Variants in CASP10 observed in about 807,000 individuals in gnomAD.
CASP10 encodes caspase 10.
A neutral mutation model predicts 48.5 loss-of-function variants in CASP10; 41 were observed. That is an observed-to-expected ratio of 0.85 (90% CI 0.66 to 1.10). CASP10 has a LOEUF of 1.10. Ranked by LOEUF, CASP10 falls within the 50% of genes least tolerant of loss-of-function variation. The pLI is 0.00. For missense variants in CASP10, 614 were observed against 614.5 expected (o/e 1.00, Z 0.01); for synonymous variants, 232 against 238.4 (o/e 0.97, Z 0.25).
At chr2:201,205,128 G>A (rs559928664) in intron 6 of CASP10, among the ~76,000 whole-genome samples, 1 of 152,218 alleles carries the variant, frequency 6.6e-6, no homozygotes, top group South Asian at 2.1e-4. Context: ...TTTTCCAGAG[G>A]AATCAGGGAG....
rs759021918 is a variant in CASP10, at chr2:201,217,745, AG to A, written c.*5del. 2.3e-5 allele frequency: 37 copies of A among 1,613,854 alleles called. No homozygotes were observed. The East Asian group carries it at 7.4e-4, about 32-fold the overall frequency. The stretch of plus-strand genomic sequence containing the variant: ...CCTGGATGCACTTTCATTATAGCAG[AG>A]AGTTTTTGTTGGTTCTTAGACCTCA... On this transcript the variant is annotated 3_prime_UTR_variant, in exon 10 of 10. Coordinates refer to ENST00000286186, the MANE Select transcript of CASP10 (RefSeq NM_032977.4).
At chr2:201,227,806 G>A (rs903939023) in intron 9 of CASP10, among the ~76,000 whole-genome samples, 9 of 150,934 alleles carry the variant, frequency 6.0e-5, no homozygotes, top group African/African-American at 1.7e-4. Context: ...TGATCCGCCC[G>A]TCTCGGTCTC....
chr2:201,196,151 A>G, intron 5 of CASP10: 1 of 549,150 alleles, frequency 1.8e-6, no homozygotes, highest in Non-Finnish European at 3.3e-6. Flanking sequence ...GTTGGCTGAC[A>G]CTAGCTGACT....
At chr2:201,216,323 C>T (rs1378395928) in intron 9 of CASP10, among the ~76,000 whole-genome samples, 1 of 151,846 alleles carries the variant, frequency 6.6e-6, no homozygotes, top group Non-Finnish European at 1.5e-5. Context: ...GAACTACAAT[C>T]GCATTACCGC....
At chr2:201,186,707 G>A (rs1020920262) in intron 2 of CASP10, among the ~76,000 whole-genome samples, 1 of 152,052 alleles carries the variant, frequency 6.6e-6, no homozygotes, top group African/African-American at 2.4e-5. Context: ...TTTATTTTGA[G>A]ACAGAGTCTC....
intron 5 of CASP10, among the ~76,000 whole-genome samples, chr2:201,203,141 C>CTATT (rs755843799): frequency 4.7e-4 from 71 of 152,120 alleles, no homozygotes; most frequent in Non-Finnish European, 7.8e-4. Flanking sequence ...CAATCACTTC[C>CTATT]TATTGGTGGA....
rs765974809 is a variant in CASP10, at chr2:201,209,208, G to A, written c.1061G>A (p.Cys354Tyr). The change falls in exon 9 of 10, where the codon TGT becomes TAT. Residue 354 changes from cysteine (C) to tyrosine (Y), a missense_variant. Cys to Tyr is a radical substitution (Grantham distance 194). Transcript: ENST00000286186. ...GCCGACGGGGACTGCTTCGTGTTCT[G>A]TATTCTGACCCATGGGAGATTTGGA... is the stretch of plus-strand genomic sequence containing the variant. ...AHADGDCFVF[C>Y]ILTHGRFGAV... is the part of the protein sequence containing the mutation. 2 of 1,613,974 alleles carry A rather than the reference G, an allele frequency of 1.2e-6. No individual in the cohort carries two copies. The highest frequency in any genetic ancestry group is 8.5e-7 in the Non-Finnish European group (1 of 1,179,886).
At chr2:201,204,490 A>G (rs1028517548) in intron 6 of CASP10, among the ~76,000 whole-genome samples, 6 of 152,216 alleles carry the variant, frequency 3.9e-5, no homozygotes, top group African/African-American at 1.2e-4. Context: ...CACTTGTCAC[A>G]TACTAGGCAC....
intron 5 of CASP10, chr2:201,200,565 A>T (rs1944980736): frequency 1.9e-6 from 3 of 1,592,384 alleles, no homozygotes; most frequent in Non-Finnish European, 2.5e-6. Flanking sequence ...CAATCAGGAC[A>T]TGACACAGAG....
At chr2:201,200,567 GAC>G in intron 5 of CASP10, 1 of 1,590,012 alleles carries the variant, frequency 6.3e-7, no homozygotes, top group Non-Finnish European at 8.5e-7. Context: ...ATCAGGACAT[GAC>G]ACAGAGCCGG....
intron 5 of CASP10, among the ~76,000 whole-genome samples, chr2:201,198,443 T>G (rs1944883239): frequency 6.6e-6 from 1 of 151,860 alleles, no homozygotes; most frequent in Non-Finnish European, 1.5e-5. Flanking sequence ...CAGGCTGATC[T>G]CGAACTCCTG....
chr2:201,186,588 T>C (rs897997344), intron 2 of CASP10, among the ~76,000 whole-genome samples: 2 of 152,230 alleles, frequency 1.3e-5, no homozygotes, highest in East Asian at 1.9e-4. Context: ...TGTCTAGTTA[T>C]AGAAATTTCT....
chr2:201,197,926 C>A (rs913635040), intron 5 of CASP10, among the ~76,000 whole-genome samples: 1 of 152,022 alleles, frequency 6.6e-6, no homozygotes, highest in Non-Finnish European at 1.5e-5. Flanking sequence ...TTTTGAGGAA[C>A]CTTCATTCTA....
At chr2:201,208,672 C>T (rs1446323621) in intron 8 of CASP10, among the ~76,000 whole-genome samples, 2 of 152,134 alleles carry the variant, frequency 1.3e-5, no homozygotes, top group Non-Finnish European at 2.9e-5. Flanking sequence ...TAACTATTAG[C>T]ATTGTTTCAG....
rs533989344 is a variant in CASP10, at chr2:201,184,469, G to A, written c.-8+1161G>A. Among the ~76,000 whole-genome samples the A allele has an allele frequency of 3.9e-5, 6 of 151,946 alleles. No homozygotes were observed. In the East Asian group the frequency reaches 5.8e-4, roughly 15 times the overall value. ...CCTCTGAGTAGTTGGGACCACAGGC[G>A]TGCACCACCATGCCTGGCTAATTTT... On this transcript the variant is annotated intron_variant, in intron 1 of 9. Transcript: ENST00000286186.
intron 9 of CASP10, among the ~76,000 whole-genome samples, chr2:201,216,401 C>T (rs1945571326): frequency 6.6e-6 from 1 of 151,706 alleles, no homozygotes. Flanking sequence ...GAAGTGATCC[C>T]TGCCATGAAC....
chr2:201,221,381 C>A lies in CASP10; in HGVS notation c.*3640C>A. On this transcript the variant is annotated 3_prime_UTR_variant, in exon 10 of 10. Coordinates refer to ENST00000286186, the MANE Select transcript of CASP10 (RefSeq NM_032977.4). ...TATATATCCAGATGGCCTGAAGTAA[C>A]TGAAGAATCACAAAAGAAGTGAAAA... is the stretch of plus-strand genomic sequence containing the variant. 1.6e-6 allele frequency: 1 copy of A among 644,638 alleles called. No individual in the cohort carries two copies. The highest frequency in any genetic ancestry group is 1.9e-6 in the Non-Finnish European group (1 of 518,806). The allele number at this position is 644,638 out of a possible 1,614,324, so 39.9% of individuals were successfully genotyped here.
intron 3 of CASP10, among the ~76,000 whole-genome samples, chr2:201,192,372 C>T (rs1944639505): frequency 6.6e-6 from 1 of 151,284 alleles, no homozygotes; most frequent in South Asian, 2.1e-4. Context: ...GCCTGGGAGA[C>T]AGAGTGAGAG....
Position 201,185,812 on chromosome 2 carries a change from C to A in CASP10, c.35C>A (p.Ser12Ter). The A allele has an allele frequency of 6.2e-7, 1 of 1,613,868 alleles. No individual in the cohort carries two copies. Among genetic ancestry groups the A allele is most frequent in the Non-Finnish European group, 8.5e-7 (1 of 1,179,836 alleles). ...KSQGQHWYSSSDKNCKVSFRE... is the reference protein window; with the variant it reads ...KSQGQHWYSS Reference sequence around the variant, plus strand: ...CAAGGTCAACATTGGTATTCCAGTTCAGATAAAAACTGTAAAGTGAGCTTT... The same window carrying A: ...CAAGGTCAACATTGGTATTCCAGTTAAGATAAAAACTGTAAAGTGAGCTTT... Residue 12 changes from serine to a stop codon, truncating the protein, a stop_gained, in exon 2 of 10, where the codon TCA becomes TAA. Coordinates refer to ENST00000286186, the MANE Select transcript of CASP10 (RefSeq NM_032977.4). LOFTEE classifies it high-confidence loss of function.
Sources: allele counts gnomAD v4.1 joint callset (sites outside exome capture counted in the v4.1 genomes callset), GRCh38; gene constraint gnomAD v4.1.1; transcripts MANE v1.5; gene names NCBI Gene and HGNC (gene_info 2026-07-23, HGNC 2026-07-21).